Variants in LSG1 observed in about 807,000 individuals in gnomAD.
LSG1 encodes large 60S subunit nuclear export GTPase 1.
A neutral mutation model predicts 82.6 loss-of-function variants in LSG1; 55 were observed. The observed-to-expected ratio is 0.67, with a 90% CI of 0.54 to 0.83. LSG1 has a LOEUF of 0.83. Ranked by LOEUF, LSG1 falls within the 40% of genes least tolerant of loss-of-function variation. LSG1 has a pLI of 0.00. For synonymous variants in LSG1, 272 were observed against 282.5 expected (o/e 0.96, Z 0.37); for missense variants, 809 against 807.9 (o/e 1.00, Z -0.02).
chr3:194,658,087 A>G (rs1718842672), intron 7 of LSG1, among the ~76,000 whole-genome samples: 1 of 152,202 alleles, frequency 6.6e-6, no homozygotes, highest in East Asian at 1.9e-4. Context: ...GGAAAAAGAC[A>G]GTACTTCCTA....
chr3:194,651,245 G>A, intron 8 of LSG1, 29 bp from the exon 9 acceptor site: 1 of 1,442,386 alleles, frequency 6.9e-7, no homozygotes, highest in Non-Finnish European at 9.8e-7. Context: ...TTACCAAACA[G>A]TAAAACAGTA....
chr3:194,669,866 A>T, intron 2 of LSG1, 143 bp downstream of exon 2: 1 of 878,326 alleles, frequency 1.1e-6, no homozygotes, highest in Admixed American at 2.4e-5. Context: ...CAGGAGGCGG[A>T]GCTGCAGTGA....
In LSG1 at chr3:194,641,772, C is replaced by T. The variant is rs766620723; in HGVS notation, c.*296G>A. On this transcript the variant is annotated 3_prime_UTR_variant, in exon 14 of 14. Coordinates refer to ENST00000265245, the MANE Select transcript of LSG1 (RefSeq NM_018385.3). The stretch of plus-strand genomic sequence containing the variant: ...GGGATTACAGGTGCGCGCCACCACG[C>T]CTGGCTAATTTTTTTGTATTTTTAG... 62 of 223,176 alleles carry T rather than the reference C, an allele frequency of 2.8e-4. No homozygotes were observed. The highest frequency in any genetic ancestry group is 5.0e-4 in the Non-Finnish European group (57 of 114,484). The allele number at this position is 223,176 out of a possible 1,614,324, so 13.8% of individuals were successfully genotyped here.
rs760507246 is a variant in LSG1 at position 194,646,189 on chromosome 3, C to T, written c.1598G>A (p.Arg533His). ...HGQPDQPRSA[R>H]YILKDYVSGK... ...ACTGACATAGTCCTTCAGGATGTAG[C>T]GCGCAGATCGAGGCTGGTCTGGCTG... The change falls in exon 12 of 14, where the codon CGC (arginine) becomes CAC (histidine). Residue 533 changes from arginine (R) to histidine (H), a missense_variant. By Grantham distance (29) the Arg-to-His change is conservative. Transcript: ENST00000265245. 1.2e-5 allele frequency: 20 copies of T among 1,613,974 alleles called. No individual in the cohort carries two copies. The highest frequency in any genetic ancestry group is 3.3e-5 in the South Asian group (3 of 91,086).
intron 2 of LSG1, 114 bp downstream of exon 2, chr3:194,669,895 C>T (rs1719108816): frequency 4.8e-6 from 6 of 1,241,986 alleles, no homozygotes; most frequent in Non-Finnish European, 6.7e-6. Context: ...CACGCCACTG[C>T]ACTTCAGCCT....
intron 8 of LSG1, 145 bp from the exon 9 acceptor site, chr3:194,651,361 C>T: frequency 3.2e-6 from 2 of 632,302 alleles, no homozygotes; most frequent in Non-Finnish European, 5.6e-6. Flanking sequence ...TTTGTTGAGA[C>T]ATCTTTTTTC....
chr3:194,662,690 A>C (rs957937859), intron 5 of LSG1, among the ~76,000 whole-genome samples: 17 of 152,192 alleles, frequency 1.1e-4, no homozygotes, highest in African/African-American at 3.6e-4. Flanking sequence ...TGAACCCAGG[A>C]GGTGGAGATT....
rs754852941 is a variant in LSG1, at chr3:194,648,816, G to A, written c.1420-12C>T. On this transcript the variant is annotated splice_polypyrimidine_tract_variant and intron_variant, in intron 10 of 13. Transcript: ENST00000265245. ...ATATTCTGGCAAACGTAGCTTGTCA[G>A]GGAATCCATTCTCTTGAACGGACTC... is the stretch of plus-strand genomic sequence containing the variant. 1.3e-5 allele frequency: 21 copies of A among 1,613,640 alleles called. No homozygotes were observed. The highest frequency in any genetic ancestry group is 1.8e-5 in the Non-Finnish European group (21 of 1,179,862).
At chr3:194,651,316 G>A in intron 8 of LSG1, 100 bp from the exon 9 acceptor site, 1 of 774,700 alleles carries the variant, frequency 1.3e-6, no homozygotes, top group Non-Finnish European at 2.2e-6. Flanking sequence ...TAAGCATCTG[G>A]TTACTTTAGA....
At chr3:194,671,747 T>A in intron 1 of LSG1, 1 of 392,950 alleles carries the variant, frequency 2.5e-6, no homozygotes, top group Non-Finnish European at 4.6e-6. Flanking sequence ...GTCTTTTTCC[T>A]GCTCTGGAAG....
chr3:194,660,741 C>T (rs918394613), intron 5 of LSG1: 3 of 391,638 alleles, frequency 7.7e-6, no homozygotes, highest in African/African-American at 6.3e-5. Context: ...AAAGTATTAA[C>T]TTAGGTTGCC....
rs60775056 is a variant in LSG1 at position 194,651,054 on chromosome 3, G to A, written c.1276-30C>T. The A allele has an allele frequency of 8.2e-3, 13,268 of 1,614,018 alleles. 943 individuals are homozygous for A. The African/African-American group carries it at 0.16, about 19-fold the overall frequency. ...AAGACAAGCAAGAGGTTTGAGCTGG[G>A]TATACAACAGATAAAAGGAAGAAAG... On this transcript the variant is annotated intron_variant, in intron 9 of 13. Coordinates refer to ENST00000265245, the MANE Select transcript of LSG1 (RefSeq NM_018385.3).
At position 194,641,804 on chromosome 3, in the gene LSG1, C is replaced by CG. The variant is rs1183105928; in HGVS notation, c.*263dup. 2.9e-5 allele frequency: 9 copies of CG among 306,664 alleles called. No homozygotes were observed. The highest frequency in any genetic ancestry group is 5.3e-5 in the Non-Finnish European group (9 of 168,444). 19.0% of individuals were successfully genotyped at this position (306,664 alleles called of 1,614,324 possible). ...AATTTTTTTGTATTTTTAGTAGAGA[C>CG]GGGGTTTCTCCATGTTGGTGCGTGA... is the stretch of plus-strand genomic sequence containing the variant. On this transcript the variant is annotated 3_prime_UTR_variant, in exon 14 of 14. Transcript: ENST00000265245.
Position 194,642,028 on chromosome 3 carries a change from A to C in LSG1, c.*40T>G. The C allele has an allele frequency of 6.2e-7, 1 of 1,600,256 alleles. No individual in the cohort carries two copies. The highest frequency in any genetic ancestry group is 8.5e-7 in the Non-Finnish European group (1 of 1,173,158). On this transcript the variant is annotated 3_prime_UTR_variant, in exon 14 of 14. Transcript: ENST00000265245. ...CAACAGGCAGCTTCTGCTCTTTTCC[A>C]TCTGCACAATGCAGATGACATTTCT...
chr3:194,651,195 T>A lies in LSG1; in HGVS notation c.1195A>T (p.Lys399Ter). ...ATGATGGTGTTGATTGTTGAACTCT[T>A]ACCAACATTAGGGTAGCCCACCTAG... Reference protein sequence around the residue: ...VGLVGYPNVGKSSTINTIMGN... With the variant: ...VGLVGYPNVG The change falls in exon 9 of 14, where the codon AAG (lysine) becomes TAG (stop). Residue 399 changes from lysine to a stop codon, truncating the protein, a stop_gained. Transcript: ENST00000265245. LOFTEE classifies it high-confidence loss of function. 1.9e-6 allele frequency: 3 copies of A among 1,614,044 alleles called. No homozygotes were observed. The highest frequency in any genetic ancestry group is 2.5e-6 in the Non-Finnish European group (3 of 1,179,888).
chr3:194,652,612 G>C (rs1008099076), intron 8 of LSG1, 117 bp downstream of exon 8: 13 of 1,111,976 alleles, frequency 1.2e-5, no homozygotes, highest in Middle Eastern at 2.5e-4. Flanking sequence ...GGCAACAAGA[G>C]GGCAATGTTC....
intron 5 of LSG1, 107 bp downstream of exon 5, chr3:194,665,450 G>T: frequency 1.5e-6 from 1 of 685,638 alleles, no homozygotes; most frequent in Non-Finnish European, 2.5e-6. Context: ...GTAACCCTCT[G>T]CATAGCTTAA....
In LSG1 at chr3:194,642,254, A is replaced by G; in HGVS notation, c.1798-7T>C. 2 of 1,609,812 alleles carry G rather than the reference A, an allele frequency of 1.2e-6. No individual in the cohort carries two copies. Among genetic ancestry groups the G allele is most frequent in the Non-Finnish European group, 1.7e-6 (2 of 1,177,908 alleles). On this transcript the variant is annotated splice_region_variant and splice_polypyrimidine_tract_variant and intron_variant, in intron 13 of 13. Transcript: ENST00000265245. ...TCAAAGCCCTCACATTCTCCTAGGA[A>G]ATAAGAGAAAACATTATCTGAGCTG...
Position 194,658,950 on chromosome 3 carries a change from A to C in LSG1, c.759+7T>G. 6.3e-7 allele frequency: 1 copy of C among 1,599,294 alleles called. No homozygotes were observed. The highest frequency in any genetic ancestry group is 1.7e-4 in the Middle Eastern group (1 of 5,994). ...TGAAAGCCAACCTAAAATGTCCCTC[A>C]GGTTACCTCAGAGTCACCATTCAGG... On this transcript the variant is annotated splice_region_variant and intron_variant, in intron 7 of 13. Transcript: ENST00000265245.
Sources: allele counts gnomAD v4.1 joint callset (sites outside exome capture counted in the v4.1 genomes callset), GRCh38; gene constraint gnomAD v4.1.1; transcripts MANE v1.5; gene names NCBI Gene and HGNC (gene_info 2026-07-23, HGNC 2026-07-21).